The following LRRC7 variants were observed in gnomAD, a reference collection of about 807,000 sequenced individuals.
LRRC7 encodes leucine rich repeat containing 7, also known as leucine-rich repeat-containing protein 7.
LRRC7 carries 23 observed loss-of-function variants against 175.7 expected under a neutral mutation model. That is an observed-to-expected ratio of 0.13 (90% CI 0.09 to 0.19). LRRC7 has a LOEUF of 0.19. Among genes scored for constraint, LRRC7 ranks in the 10% least tolerant of loss-of-function variants. The pLI, the probability that LRRC7 is intolerant of heterozygous loss-of-function variation, is 1.00. For synonymous variants in LRRC7, 685 were observed against 680.9 expected (o/e 1.01, Z -0.09); for missense variants, 1,354 against 1,904.7 (o/e 0.71, Z 5.38).
At chr1:70,058,420 A>G (rs1344836803) in intron 23 of LRRC7, among the ~76,000 whole-genome samples, 2 of 152,220 alleles carry the variant, frequency 1.3e-5, no homozygotes, top group Non-Finnish European at 2.9e-5. Context: ...GCAGTATTAT[A>G]TGAATACTTT....
intron 4 of LRRC7, among the ~76,000 whole-genome samples, chr1:69,808,867 G>A (rs1012144924): frequency 3.9e-5 from 6 of 151,962 alleles, no homozygotes; most frequent in Admixed American, 2.0e-4. Context: ...AGAAGCAAGA[G>A]CAAGCAAATT....
At chr1:69,649,015 T>C (rs1356874989) in intron 1 of LRRC7, among the ~76,000 whole-genome samples, 1 of 152,202 alleles carries the variant, frequency 6.6e-6, no homozygotes, top group African/African-American at 2.4e-5. Flanking sequence ...GACACAGAAT[T>C]AAAGATTTTT....
intron 7 of LRRC7, among the ~76,000 whole-genome samples, chr1:69,862,665 C>A (rs1391261787): frequency 6.6e-6 from 1 of 152,134 alleles, no homozygotes; most frequent in Admixed American, 6.5e-5. Flanking sequence ...ACCTAGAGAA[C>A]ATTATTGTAA....
chr1:70,096,331 T>A (rs1329813044), intron 25 of LRRC7, among the ~76,000 whole-genome samples: 1 of 152,330 alleles, frequency 6.6e-6, no homozygotes, highest in Middle Eastern at 3.4e-3. Flanking sequence ...TAGTTTTACA[T>A]AGTCTAAGTA....
intron 1 of LRRC7, among the ~76,000 whole-genome samples, chr1:69,618,042 G>A (rs1257121124): frequency 1.3e-5 from 2 of 152,114 alleles, no homozygotes; most frequent in East Asian, 3.9e-4. Flanking sequence ...GACAAAATGG[G>A]AAGATCCCTA....
At chr1:69,619,184 G>T (rs149044171) in intron 1 of LRRC7, among the ~76,000 whole-genome samples, 1 of 152,070 alleles carries the variant, frequency 6.6e-6, no homozygotes, top group Non-Finnish European at 1.5e-5. Flanking sequence ...GTTCTCAAAC[G>T]CTGGTCCATG....
At chr1:70,120,014 T>C (rs1666110906) in intron 26 of LRRC7, among the ~76,000 whole-genome samples, 1 of 152,080 alleles carries the variant, frequency 6.6e-6, no homozygotes, top group African/African-American at 2.4e-5. Flanking sequence ...AAAGCTACAG[T>C]GGAATAAATA....
chr1:69,605,395 C>T (rs1233505652), intron 1 of LRRC7, among the ~76,000 whole-genome samples: 1 of 152,056 alleles, frequency 6.6e-6, no homozygotes, highest in African/African-American at 2.4e-5. Flanking sequence ...AGCATGAGAG[C>T]AGACTAATAG....
At position 69,678,385 on chromosome 1, in the gene LRRC7, G is replaced by A; in HGVS notation, c.7G>A (p.Glu3Lys). 1.3e-6 allele frequency: 2 copies of A among 1,587,130 alleles called. No homozygotes were observed. Among genetic ancestry groups the A allele is most frequent in the Non-Finnish European group, 8.6e-7 (1 of 1,164,616 alleles). MM[E>K]NLIRGRNPPQ... ...TCTTCTGATTCTCTCTTATAGGATG[G>A]AGAACCTAATAAGGGGAAGGAATCC... The change falls in exon 2 of 27, where the codon GAG becomes AAG. Residue 3 changes from glutamate to lysine, a missense_variant. Glu to Lys is a moderately conservative substitution (Grantham distance 56). Transcript: ENST00000651989.
At position 69,848,192 on chromosome 1, in the gene LRRC7, A is replaced by G. The variant is rs549707459; in HGVS notation, c.647+9909A>G. On this transcript the variant is annotated intron_variant, in intron 7 of 26. Transcript: ENST00000651989. ...TTTCCATGGGAATTTGGATCTAATT[A>G]TAGTTTTACTCAGAAATATAATAAG... Among the ~76,000 whole-genome samples the G allele has an allele frequency of 3.9e-5, 6 of 152,216 alleles. No individual in the cohort carries two copies. The East Asian group carries it at 5.8e-4, about 15-fold the overall frequency.
At chr1:69,883,129 A>C (rs1192820234) in intron 7 of LRRC7, among the ~76,000 whole-genome samples, 1 of 152,108 alleles carries the variant, frequency 6.6e-6, no homozygotes, top group African/African-American at 2.4e-5. Flanking sequence ...GTATATACCC[A>C]GTAATGGGAT....
intron 2 of LRRC7, among the ~76,000 whole-genome samples, chr1:69,717,802 G>T (rs1469781082): frequency 4.8e-5 from 1 of 20,652 alleles, no homozygotes; most frequent in African/African-American, 3.0e-4. Context: ...AAGAAAGAAA[G>T]AAAGAAAGAA....
chr1:69,697,017 G>A (rs1158996420), intron 2 of LRRC7, among the ~76,000 whole-genome samples: 2 of 152,068 alleles, frequency 1.3e-5, no homozygotes, highest in African/African-American at 4.8e-5. Context: ...TCCTTTTTAA[G>A]ATCAATCAGA....
chr1:69,686,254 C>G lies in LRRC7; in HGVS notation c.100+7776C>G, dbSNP rs181046548. ...AACCTTCCCCAACACAATGGCTACA[C>G]AGAACTCTCCAAACACAAAGGAAAA... On this transcript the variant is annotated intron_variant, in intron 2 of 26. Coordinates refer to ENST00000651989, the MANE Select transcript of LRRC7 (RefSeq NM_001370785.2). 5.0e-4 allele frequency among the ~76,000 whole-genome samples: 76 copies of G among 152,214 alleles called. 1 individual carries two copies. Among genetic ancestry groups the G allele is most frequent in the Non-Finnish European group, 9.4e-4 (64 of 67,976 alleles).
At chr1:69,921,915 T>C (rs993698521) in intron 7 of LRRC7, among the ~76,000 whole-genome samples, 10 of 151,562 alleles carry the variant, frequency 6.6e-5, no homozygotes, top group Admixed American at 1.3e-4. Context: ...AATTCTTACA[T>C]TCATTCTGTT....
intron 1 of LRRC7, among the ~76,000 whole-genome samples, chr1:69,653,802 C>T (rs1173546255): frequency 1.3e-5 from 2 of 151,966 alleles, no homozygotes; most frequent in Non-Finnish European, 1.5e-5. Context: ...AAGCCTGTCA[C>T]GTGCAAAAAC....
chr1:70,069,282 A>C (rs1662206799), intron 23 of LRRC7, among the ~76,000 whole-genome samples: 1 of 152,140 alleles, frequency 6.6e-6, no homozygotes, highest in Non-Finnish European at 1.5e-5. Context: ...ACCTTCTTCA[A>C]AGGGTGGCAG....
intron 7 of LRRC7, among the ~76,000 whole-genome samples, chr1:69,884,738 T>A (rs1367078530): frequency 6.8e-6 from 1 of 146,630 alleles, no homozygotes; most frequent in Non-Finnish European, 1.5e-5. Context: ...TTCAGTATGA[T>A]ATTGGCTGTG....
intron 7 of LRRC7, among the ~76,000 whole-genome samples, chr1:69,876,148 T>A (rs1201360722): frequency 1.3e-5 from 2 of 152,148 alleles, no homozygotes; most frequent in Admixed American, 1.3e-4. Context: ...GTTACGGGTT[T>A]CTGGAACTTT....
Sources: gnomAD v4.1 joint callset for allele counts (sites outside exome capture counted in the v4.1 genomes callset) on GRCh38, gnomAD v4.1.1 for gene constraint, MANE v1.5 for transcripts, NCBI Gene and HGNC (gene_info 2026-07-23, HGNC 2026-07-21) for gene names.